Variants in CPPED1 observed in about 807,000 individuals in gnomAD.
CPPED1 encodes the protein calcineurin like phosphoesterase domain containing 1.
Under a neutral mutation model 28.0 loss-of-function variants are expected in CPPED1, and 28 were observed. The observed-to-expected ratio is 1.00, with a 90% confidence interval of 0.74 to 1.37. The LOEUF (loss-of-function observed/expected upper bound fraction) is 1.37. Ranked by LOEUF, CPPED1 falls within the 40% of genes most tolerant of loss-of-function variation. The probability of loss-of-function intolerance (pLI) is 0.00; values close to 1 mark genes in which losing one functional copy is unlikely to be tolerated. For synonymous variants in CPPED1, 198 were observed against 180.2 expected (o/e 1.10, Z -0.79); for missense variants, 504 against 416.5 (o/e 1.21, Z -1.83).
At chr16:12,669,975 A>G (rs1266038457) in intron 3 of CPPED1, among the ~76,000 whole-genome samples, 1 of 152,236 alleles carries the variant, frequency 6.6e-6, no homozygotes, top group Non-Finnish European at 1.5e-5. Context: ...GAAATAAACT[A>G]GTGTTGAATT....
At chr16:12,766,298 G>GAGAGAGAGAA (rs2080439112) in intron 2 of CPPED1, among the ~76,000 whole-genome samples, 5 of 128,792 alleles carry the variant, frequency 3.9e-5, no homozygotes, top group African/African-American at 1.4e-4. Context: ...GAGAGAAAGA[G>GAGAGAGAGAA]AGAGAGAGAG....
At chr16:12,771,466 G>A (rs1428323730) in intron 2 of CPPED1, among the ~76,000 whole-genome samples, 3 of 152,126 alleles carry the variant, frequency 2.0e-5, no homozygotes, top group Non-Finnish European at 4.4e-5. Flanking sequence ...ACACCAATAC[G>A]GACACACAGA....
At chr16:12,784,383 CTG>C (rs1203491749) in intron 1 of CPPED1, among the ~76,000 whole-genome samples, 2 of 152,178 alleles carry the variant, frequency 1.3e-5, no homozygotes, top group African/African-American at 4.8e-5. Flanking sequence ...CTCAACTAAG[CTG>C]TACCCAGATT....
chr16:12,681,128 T>G, intron 3 of CPPED1, among the ~76,000 whole-genome samples: 1 of 137,466 alleles, frequency 7.3e-6, no homozygotes, highest in Admixed American at 7.2e-5. Context: ...CGACCCCCGT[T>G]TCCCCCCGTA....
intron 2 of CPPED1, among the ~76,000 whole-genome samples, chr16:12,773,762 A>G (rs967167096): frequency 7.2e-5 from 11 of 152,146 alleles, no homozygotes; most frequent in Non-Finnish European, 1.5e-5. Context: ...ATAAATAATA[A>G]AATAAAAAGT....
At chr16:12,754,410 G>A (rs1335272531) in intron 2 of CPPED1, among the ~76,000 whole-genome samples, 2 of 151,092 alleles carry the variant, frequency 1.3e-5, no homozygotes, top group Non-Finnish European at 2.9e-5. Context: ...ATCATGAGAC[G>A]GGCCCCCCAT....
rs1175247225 is a variant in CPPED1 at position 12,709,181 on chromosome 16, A to G, written c.290-4132T>C. On this transcript the variant is annotated intron_variant, in intron 2 of 3. Coordinates refer to ENST00000381774, the MANE Select transcript of CPPED1 (RefSeq NM_018340.3). The surrounding 1 kb of genome is among the most constrained non-coding windows in gnomAD (Gnocchi z 4.4). Reference sequence around the variant, plus strand: ...ACCTGCCCAAGGACACAGAGCTTCAATGAGTTTCCTGTCTCACGCAGGGTT... The same window carrying G: ...ACCTGCCCAAGGACACAGAGCTTCAGTGAGTTTCCTGTCTCACGCAGGGTT... 6.6e-6 allele frequency among the ~76,000 whole-genome samples: 1 copy of G among 152,222 alleles called. No individual in the cohort carries two copies. The highest frequency in any genetic ancestry group is 1.5e-5 in the Non-Finnish European group (1 of 68,042).
At position 12,744,796 on chromosome 16, in the gene CPPED1, C is replaced by A. The variant is rs192683426; in HGVS notation, c.289+36389G>T. ...ACAAGTTCAAGACCAGCCTCCTGGG[C>A]AACATGGCAAAACACCATCTCCACA... On this transcript the variant is annotated intron_variant, in intron 2 of 3. Coordinates refer to ENST00000381774, the MANE Select transcript of CPPED1 (RefSeq NM_018340.3). Among the ~76,000 whole-genome samples the A allele has an allele frequency of 6.2e-3, 943 of 152,218 alleles. 8 individuals carry two copies. The highest frequency in any genetic ancestry group is 0.022 in the African/African-American group (909 of 41,520).
intron 2 of CPPED1, chr16:12,761,079 G>C (rs910012959): frequency 2.6e-5 from 4 of 152,144 alleles, no homozygotes; most frequent in African/African-American, 9.7e-5. Context: ...CAGCGGATAA[G>C]AGTTCCCCCT....
chr16:12,686,104 C>G (rs1421732115), intron 3 of CPPED1, among the ~76,000 whole-genome samples: 7 of 152,156 alleles, frequency 4.6e-5, no homozygotes, highest in Non-Finnish European at 1.0e-4. Flanking sequence ...ATGGGAGTTT[C>G]CTGTTCTGTA....
At chr16:12,754,889 G>T (rs1329150060) in intron 2 of CPPED1, among the ~76,000 whole-genome samples, 1 of 152,152 alleles carries the variant, frequency 6.6e-6, no homozygotes, top group Non-Finnish European at 1.5e-5. Flanking sequence ...GTGTGTACTT[G>T]TAGTCCCAGC....
intron 3 of CPPED1, among the ~76,000 whole-genome samples, chr16:12,700,879 A>G (rs1377795313): frequency 6.6e-6 from 1 of 152,128 alleles, no homozygotes; most frequent in Non-Finnish European, 1.5e-5. Flanking sequence ...GGGATAAGAG[A>G]AGCTGAAGAA....
chr16:12,757,162 A>G (rs1341223647), intron 2 of CPPED1, among the ~76,000 whole-genome samples: 1 of 152,048 alleles, frequency 6.6e-6, no homozygotes, highest in African/African-American at 2.4e-5. Context: ...CTCGAGGGTG[A>G]CCAACTAAGT....
At chr16:12,778,977 T>G (rs2080513873) in intron 2 of CPPED1, among the ~76,000 whole-genome samples, 1 of 152,218 alleles carries the variant, frequency 6.6e-6, no homozygotes, top group African/African-American at 2.4e-5. Flanking sequence ...TCATAAAAAC[T>G]ATATCTTTTA....
chr16:12,772,521 C>A (rs2080475777), intron 2 of CPPED1, among the ~76,000 whole-genome samples: 1 of 152,166 alleles, frequency 6.6e-6, no homozygotes, highest in African/African-American at 2.4e-5. Context: ...TTTGTGCATG[C>A]TCCCTCTCCT....
intron 2 of CPPED1, among the ~76,000 whole-genome samples, chr16:12,748,262 T>C (rs1399182564): frequency 6.6e-6 from 1 of 152,290 alleles, no homozygotes; most frequent in African/African-American, 2.4e-5. Context: ...TCATATATGG[T>C]AATACTCTAC....
chr16:12,665,172 G>T (rs1265647971), intron 3 of CPPED1, 57 bp from the exon 4 acceptor site: 7 of 1,496,068 alleles, frequency 4.7e-6, no homozygotes, highest in South Asian at 1.3e-5. Context: ...GGTAACCTAG[G>T]GTCTCCAGCA....
intron 2 of CPPED1, among the ~76,000 whole-genome samples, chr16:12,720,039 GT>G (rs1160370929): frequency 1.3e-5 from 2 of 152,060 alleles, no homozygotes; most frequent in African/African-American, 4.8e-5. Flanking sequence ...ACACCTATCT[GT>G]TTTTATCAGG....
chr16:12,676,059 G>T (rs2079876073), intron 3 of CPPED1, among the ~76,000 whole-genome samples: 1 of 152,152 alleles, frequency 6.6e-6, no homozygotes, highest in South Asian at 2.1e-4. Flanking sequence ...TCAGGAAGAG[G>T]TTCTTCACTT....
Sources: allele counts gnomAD v4.1 joint callset (sites outside exome capture counted in the v4.1 genomes callset), GRCh38; gene constraint gnomAD v4.1.1; non-coding constraint Gnocchi (gnomAD v3.1); transcripts MANE v1.5; gene names NCBI Gene and HGNC (gene_info 2026-07-23, HGNC 2026-07-21).